RORA: variants seen among roughly 807,000 people sequenced by gnomAD.
The protein encoded by RORA is nuclear receptor ROR-alpha.
In RORA, 7 loss-of-function variants were observed where a neutral mutation model predicts 69.5. The ratio of observed to expected loss-of-function variants is 0.10; its 90% CI spans 0.06 to 0.19. RORA has a LOEUF of 0.19. Ranked by LOEUF, RORA falls within the 10% of genes least tolerant of loss-of-function variation. The pLI is 1.00. For missense variants in RORA, 457 were observed against 663.0 expected (o/e 0.69, Z 3.41); for synonymous variants, 261 against 240.8 (o/e 1.08, Z -0.78).
intron 1 of RORA, among the ~76,000 whole-genome samples, chr15:60,753,117 A>G (rs535983879): frequency 6.6e-6 from 1 of 152,234 alleles, no homozygotes; most frequent in African/African-American, 2.4e-5. Context: ...AGAAAACTGT[A>G]GCCCATGATT....
chr15:60,501,976 C>A (rs2065345184), intron 8 of RORA, among the ~76,000 whole-genome samples: 1 of 151,860 alleles, frequency 6.6e-6, no homozygotes, highest in African/African-American at 2.4e-5. Flanking sequence ...TATAGAAATC[C>A]AAAATTTATT....
chr15:61,116,286 T>G (rs2079050197), intron 1 of RORA, among the ~76,000 whole-genome samples: 2 of 152,142 alleles, frequency 1.3e-5, no homozygotes, highest in South Asian at 4.1e-4. Flanking sequence ...CTGAGCAAAT[T>G]ATCAGACCTA....
chr15:60,521,672 T>A (rs1000705706), intron 3 of RORA, among the ~76,000 whole-genome samples: 1 of 152,246 alleles, frequency 6.6e-6, no homozygotes, highest in Admixed American at 6.5e-5. Context: ...GAATGTTAAA[T>A]GACTTGTCCA....
intron 1 of RORA, chr15:61,194,029 T>C (rs2079824877): frequency 1.3e-5 from 2 of 152,210 alleles, no homozygotes; most frequent in African/African-American, 2.4e-5. Context: ...TCACTCTCTC[T>C]TGCAGCAGGG....
Position 60,488,690 on chromosome 15 carries a change from G to T in RORA, c.*8765C>A. ...CCCATAAATGGCTTGCATTTTTAGT[G>T]TGGCAGAAAAGGAGTTTTTACATAC... On this transcript the variant is annotated 3_prime_UTR_variant, in exon 11 of 11. Coordinates refer to ENST00000335670, the MANE Select transcript of RORA (RefSeq NM_134261.3). 6.6e-6 allele frequency: 1 copy of T among 152,190 alleles called. No individual in the cohort carries two copies. Among genetic ancestry groups the T allele is most frequent in the Admixed American group, 6.5e-5 (1 of 15,280 alleles). 9.4% of individuals were successfully genotyped at this position (152,190 alleles called of 1,614,324 possible). A position where few individuals can be genotyped will look rare whatever the true frequency, so the allele number is the denominator to read the frequency against.
At chr15:61,012,942 G>A (rs1213373561) in intron 1 of RORA, among the ~76,000 whole-genome samples, 2 of 152,118 alleles carry the variant, frequency 1.3e-5, no homozygotes, top group Non-Finnish European at 2.9e-5. Flanking sequence ...GAGCCACCGC[G>A]CTCCCAGCCT....
intron 1 of RORA, among the ~76,000 whole-genome samples, chr15:60,789,486 G>A (rs1228045218): frequency 6.6e-6 from 1 of 152,200 alleles, no homozygotes; most frequent in Non-Finnish European, 1.5e-5. Context: ...CCTTACAAAT[G>A]TGTTGCCAGA....
At chr15:60,604,167 GA>G (rs1171929253) in intron 2 of RORA, among the ~76,000 whole-genome samples, 1 of 139,374 alleles carries the variant, frequency 7.2e-6, no homozygotes, top group East Asian at 2.1e-4. Context: ...ACGAACATTA[GA>G]AAAATATGGC....
chr15:60,698,777 G>A (rs1278569009), intron 1 of RORA, among the ~76,000 whole-genome samples: 1 of 151,838 alleles, frequency 6.6e-6, no homozygotes, highest in Non-Finnish European at 1.5e-5. Flanking sequence ...ACTTTATCAT[G>A]AAAAATAAAT....
chr15:60,525,943 A>G (rs940509818), intron 3 of RORA, among the ~76,000 whole-genome samples: 1 of 152,148 alleles, frequency 6.6e-6, no homozygotes, highest in Non-Finnish European at 1.5e-5. Context: ...GAAAAAGAGG[A>G]TAACTTCATT....
At position 60,511,717 on chromosome 15, in the gene RORA, T is replaced by G. The variant is rs1567047134; in HGVS notation, c.425-96A>C. On this transcript the variant is annotated intron_variant, in intron 4 of 10. Coordinates refer to ENST00000335670, the MANE Select transcript of RORA (RefSeq NM_134261.3). The surrounding 1 kb of genome is among the most constrained non-coding windows in gnomAD (Gnocchi z 6.4). Reference sequence around the variant, plus strand: ...GGGTTTCCTTTGAAGTCTCACACAATCTCAATCCAAAACTGCATGACCACA... The same window carrying G: ...GGGTTTCCTTTGAAGTCTCACACAAGCTCAATCCAAAACTGCATGACCACA... 7.5e-7 allele frequency: 1 copy of G among 1,332,148 alleles called. No individual in the cohort carries two copies. The highest frequency in any genetic ancestry group is 1.0e-6 in the Non-Finnish European group (1 of 992,022). The allele number at this position is 1,332,148 out of a possible 1,614,324, so 82.5% of individuals were successfully genotyped here.
chr15:61,153,757 G>A (rs2079417996), intron 1 of RORA, among the ~76,000 whole-genome samples: 1 of 133,136 alleles, frequency 7.5e-6, no homozygotes, highest in Non-Finnish European at 1.7e-5. Flanking sequence ...ATTTTGGATT[G>A]TGGGTTTCAT....
At chr15:61,210,702 T>C (rs900744243) in intron 1 of RORA, among the ~76,000 whole-genome samples, 4 of 152,222 alleles carry the variant, frequency 2.6e-5, no homozygotes. Context: ...TTTTGAAACC[T>C]TGAGCCGCAA....
In RORA at chr15:60,489,544, A is replaced by G. The variant is rs1457587629; in HGVS notation, c.*7911T>C. On this transcript the variant is annotated 3_prime_UTR_variant, in exon 11 of 11. Transcript: ENST00000335670. ...CTTTGCTTTTCAATAATGCCAGTAG[A>G]TCTTGGGAGAATGGGTAGAAAGGCT... 1 of 152,254 alleles carries G rather than the reference A, an allele frequency of 6.6e-6. No homozygotes were observed. Among genetic ancestry groups the G allele is most frequent in the East Asian group, 1.9e-4 (1 of 5,200 alleles). 9.4% of individuals were successfully genotyped at this position (152,254 alleles called of 1,614,324 possible). A position where few individuals can be genotyped will look rare whatever the true frequency, so the allele number is the denominator to read the frequency against.
chr15:60,569,261 TAAAAA>T (rs60382168), intron 2 of RORA, among the ~76,000 whole-genome samples: 1 of 89,640 alleles, frequency 1.1e-5, no homozygotes, highest in East Asian at 3.0e-4. Flanking sequence ...TTTAAAAAAT[TAAAAA>T]AAAAAAAAAA....
At chr15:61,092,747 C>T (rs968312994) in intron 1 of RORA, among the ~76,000 whole-genome samples, 1 of 152,198 alleles carries the variant, frequency 6.6e-6, no homozygotes, top group Non-Finnish European at 1.5e-5. Flanking sequence ...ATGTTATGAA[C>T]TGCCCTGGGT....
At chr15:61,185,325 A>G (rs896275126) in intron 1 of RORA, among the ~76,000 whole-genome samples, 2 of 150,594 alleles carry the variant, frequency 1.3e-5, no homozygotes, top group Non-Finnish European at 3.0e-5. Context: ...TTTTTTTCCT[A>G]TGAGCATTAA....
chr15:61,029,684 G>A (rs932902301), intron 1 of RORA, among the ~76,000 whole-genome samples: 1 of 152,110 alleles, frequency 6.6e-6, no homozygotes, highest in African/African-American at 2.4e-5. Flanking sequence ...TGGATCTGAG[G>A]GTAAAGAAGG....
chr15:60,766,991 G>A (rs2072001633), intron 1 of RORA, among the ~76,000 whole-genome samples: 1 of 152,152 alleles, frequency 6.6e-6, no homozygotes, highest in Non-Finnish European at 1.5e-5. Flanking sequence ...CTGTCAACTG[G>A]CAGCCCACAG....
Sources: allele counts gnomAD v4.1 joint callset (sites outside exome capture counted in the v4.1 genomes callset), GRCh38; gene constraint gnomAD v4.1.1; non-coding constraint Gnocchi (gnomAD v3.1); transcripts MANE v1.5; gene names NCBI Gene and HGNC (gene_info 2026-07-23, HGNC 2026-07-21).